The following CSMD1 variants were observed in gnomAD, a reference collection of about 807,000 sequenced individuals.
CSMD1 encodes the protein CUB and Sushi multiple domains 1.
A neutral mutation model predicts 417.5 loss-of-function variants in CSMD1; 213 were observed. The observed-to-expected ratio is 0.51, with a 90% CI of 0.46 to 0.57. CSMD1 has a LOEUF of 0.57. Among genes scored for constraint, CSMD1 ranks in the 20% least tolerant of loss-of-function variants. CSMD1 has a pLI of 0.00. For missense variants in CSMD1, 6,923 were observed against 4,529.7 expected, an observed-to-expected ratio of 1.53 and a Z score of -15.17; for synonymous variants, 2,862 against 1,736.8, an observed-to-expected ratio of 1.65 and a Z score of -16.11.
rs1381110778 is a variant in CSMD1 at position 4,223,895 on chromosome 8, T to G, written c.416-191796A>C. Among the ~76,000 whole-genome samples, 3 of 152,198 alleles carry G rather than the reference T, an allele frequency of 2.0e-5. No homozygotes were observed. The East Asian group carries it at 5.8e-4, about 29-fold the overall frequency. On this transcript the variant is annotated intron_variant, in intron 3 of 69. Transcript: ENST00000635120. ...AGTCCTGCATGGAAAATTAAAATGC[T>G]TATCACTATTTCTCTTCCAGACGGT...
At chr8:3,193,187 T>G (rs2129051802) in intron 33 of CSMD1, among the ~76,000 whole-genome samples, 1 of 152,320 alleles carries the variant, frequency 6.6e-6, no homozygotes, top group East Asian at 1.9e-4. Context: ...GGTATCACTA[T>G]CTTTCCAAGT....
intron 3 of CSMD1, among the ~76,000 whole-genome samples, chr8:4,121,320 G>A (rs1250439772): frequency 6.6e-6 from 1 of 151,928 alleles, no homozygotes; most frequent in Non-Finnish European, 1.5e-5. Context: ...CCACCATGTT[G>A]GCCAGGCTGG....
At chr8:4,588,805 C>CAA in intron 2 of CSMD1, among the ~76,000 whole-genome samples, 1 of 149,136 alleles carries the variant, frequency 6.7e-6, no homozygotes, top group South Asian at 2.1e-4. Context: ...CACACACACA[C>CAA]AAAAGAAACT....
At chr8:4,093,443 G>C (rs7007103) in intron 3 of CSMD1, among the ~76,000 whole-genome samples, 44,222 of 151,934 alleles carry the variant, frequency 0.29, 6,987 homozygotes, top group African/African-American at 0.41. Context: ...CACTCCCCTT[G>C]AATCTGAATA....
At chr8:3,718,157 TG>T (rs1176589002) in intron 6 of CSMD1, among the ~76,000 whole-genome samples, 1 of 152,246 alleles carries the variant, frequency 6.6e-6, no homozygotes, top group Non-Finnish European at 1.5e-5. Flanking sequence ...TATTGTCTCA[TG>T]GTCTGTACAT....
intron 39 of CSMD1, among the ~76,000 whole-genome samples, chr8:3,152,192 T>C (rs991938267): frequency 6.6e-6 from 1 of 152,234 alleles, no homozygotes; most frequent in Admixed American, 6.5e-5. Flanking sequence ...AATAAGTTCA[T>C]GCATCTTGCC....
intron 3 of CSMD1, among the ~76,000 whole-genome samples, chr8:4,046,237 T>C (rs1344274158): frequency 1.3e-5 from 2 of 152,192 alleles, no homozygotes; most frequent in African/African-American, 4.8e-5. Flanking sequence ...ATAAAGGTCA[T>C]GTGGCATTAT....
intron 3 of CSMD1, among the ~76,000 whole-genome samples, chr8:4,188,344 C>A (rs1798806284): frequency 6.6e-6 from 1 of 152,168 alleles, no homozygotes; most frequent in African/African-American, 2.4e-5. Context: ...AAAGACAATG[C>A]AAACCGAGGT....
chr8:3,667,416 G>C (rs948806010), intron 7 of CSMD1, among the ~76,000 whole-genome samples: 3 of 152,082 alleles, frequency 2.0e-5, no homozygotes, highest in Non-Finnish European at 4.4e-5. Context: ...TGGAGATCTT[G>C]GGGAAGAGAT....
intron 1 of CSMD1, among the ~76,000 whole-genome samples, chr8:4,795,252 CTTTTT>C (rs571984359): frequency 2.6e-4 from 12 of 46,248 alleles, no homozygotes; most frequent in African/African-American, 2.9e-4. Flanking sequence ...GGTGTCATAG[CTTTTT>C]TTTTTTTTTT....
At chr8:4,462,814 A>G (rs914601638) in intron 2 of CSMD1, among the ~76,000 whole-genome samples, 5 of 151,764 alleles carry the variant, frequency 3.3e-5, no homozygotes, top group African/African-American at 1.2e-4. Flanking sequence ...TATCCACAAA[A>G]AAATTGATAA....
At chr8:4,711,385 A>G (rs1808286716) in intron 1 of CSMD1, among the ~76,000 whole-genome samples, 2 of 152,194 alleles carry the variant, frequency 1.3e-5, no homozygotes, top group East Asian at 3.9e-4. Context: ...GTTAAATTGC[A>G]TAGTTTTCGT....
chr8:4,040,548 G>C (rs1377305086), intron 3 of CSMD1, among the ~76,000 whole-genome samples: 1 of 152,190 alleles, frequency 6.6e-6, no homozygotes, highest in Non-Finnish European at 1.5e-5. Context: ...GATAAAGTGT[G>C]ATTAGATCTA....
At chr8:4,255,439 C>A (rs1467156730) in intron 3 of CSMD1, among the ~76,000 whole-genome samples, 5 of 152,160 alleles carry the variant, frequency 3.3e-5, no homozygotes, top group Non-Finnish European at 4.4e-5. Context: ...TTCTCACTTA[C>A]TTTGAAATAA....
At chr8:4,662,938 A>T (rs1005766702) in intron 1 of CSMD1, among the ~76,000 whole-genome samples, 1 of 152,238 alleles carries the variant, frequency 6.6e-6, no homozygotes, top group African/African-American at 2.4e-5. Context: ...AAGAAAGGCT[A>T]AAGAGGTTAC....
At chr8:4,431,427 G>T (rs1797866817) in intron 2 of CSMD1, among the ~76,000 whole-genome samples, 1 of 152,132 alleles carries the variant, frequency 6.6e-6, no homozygotes, top group South Asian at 2.1e-4. Context: ...GGAACAAGGT[G>T]AGAGGAGAGC....
At chr8:4,491,346 G>C (rs1012564068) in intron 2 of CSMD1, among the ~76,000 whole-genome samples, 2 of 152,132 alleles carry the variant, frequency 1.3e-5, no homozygotes, top group East Asian at 3.9e-4. Context: ...CTGGGCGCAC[G>C]TGTCCAGGAT....
intron 51 of CSMD1, 151 bp downstream of exon 51, chr8:3,029,168 C>A: frequency 1.9e-6 from 1 of 532,250 alleles, no homozygotes; most frequent in Admixed American, 3.2e-5. Flanking sequence ...AATACATATT[C>A]ACATCGCAAT....
At chr8:4,762,384 AT>A (rs1227088301) in intron 1 of CSMD1, among the ~76,000 whole-genome samples, 1 of 152,080 alleles carries the variant, frequency 6.6e-6, no homozygotes, top group Non-Finnish European at 1.5e-5. Flanking sequence ...AATAAAATCC[AT>A]TTTATCGGTA....
Sources: gnomAD v4.1 joint callset for allele counts (sites outside exome capture counted in the v4.1 genomes callset) on GRCh38, gnomAD v4.1.1 for gene constraint, MANE v1.5 for transcripts, NCBI Gene and HGNC (gene_info 2026-07-23, HGNC 2026-07-21) for gene names.